The following KDM5C variants were observed in gnomAD, a reference collection of about 807,000 sequenced individuals.
KDM5C encodes the protein lysine-specific demethylase 5C.
In KDM5C, 16 loss-of-function variants were observed where a neutral mutation model predicts 110.6. That is an observed-to-expected ratio of 0.14 (90% CI 0.10 to 0.22). The LOEUF (loss-of-function observed/expected upper bound fraction) is 0.22, where lower values mean the gene tolerates loss of function less well. Ranked by LOEUF, KDM5C falls within the 10% of genes least tolerant of loss-of-function variation. KDM5C has a pLI of 1.00. For synonymous variants in KDM5C, 511 were observed against 520.4 expected, an observed-to-expected ratio of 0.98 and a Z score of 0.24; for missense variants, 681 against 1,300.9, an observed-to-expected ratio of 0.52 and a Z score of 7.33.
chrX:53,208,354 C>T (rs782237159), intron 12 of KDM5C, among the ~76,000 whole-genome samples: 42 of 104,973 alleles, frequency 4.0e-4, no homozygotes, highest in African/African-American at 1.4e-3. Flanking sequence ...TTTTAAAAAG[C>T]GGTAAGGACT....
downstream of KDM5C, chrX:53,191,299 G>T (rs1196640681): frequency 4.7e-5 from 8 of 171,125 alleles, no homozygotes; most frequent in Admixed American, 8.0e-5. Context: ...TTTGCTAAGT[G>T]AAAGAAGCTA....
chrX:53,192,858 G>GGCCCCCCCCCCCCCC lies in KDM5C; in HGVS notation c.*108_*109insGGGGGGGGGGGGGGC. ...CAGGGGTGGGCGGGTAGCAGGGATG[G>GGCCCCCCCCCCCCCC]CCACCCCCCTACCCGCCCACCCCCC... On this transcript the variant is annotated 3_prime_UTR_variant, in exon 26 of 26. Transcript: ENST00000375401. 1 of 728,430 alleles carries GGCCCCCCCCCCCCCC rather than the reference G, an allele frequency of 1.4e-6. No homozygotes were observed. Among genetic ancestry groups the GGCCCCCCCCCCCCCC allele is most frequent in the Non-Finnish European group, 1.8e-6 (1 of 548,375 alleles). 60.0% of individuals were successfully genotyped at this position (728,430 alleles called of 1,213,427 possible).
rs781920250 is a variant in KDM5C at position 53,183,869 on chromosome X, C to T, written c.4309-7247G>A. On this transcript the variant is annotated intron_variant, in intron 25 of 25. Transcript: ENST00000685641. ...ATTACAGGCATAAGCAACCGCACCC[C>T]GCTAGCTTTTTCATTTCTGCAAAAA... Among the ~76,000 whole-genome samples, 76 of 111,822 alleles carry T rather than the reference C, an allele frequency of 6.8e-4. 1 individual carries two copies. Among genetic ancestry groups the T allele is most frequent in the Middle Eastern group, 4.6e-3 (1 of 218 alleles).
chrX:53,204,238 CT>C (rs10604955), intron 12 of KDM5C, among the ~76,000 whole-genome samples: 22 of 60,772 alleles, frequency 3.6e-4, no homozygotes, highest in African/African-American at 1.3e-3. Context: ...AAAGAAAATC[CT>C]TTTTTTTTTT....
At position 53,213,718 on chromosome X, in the gene KDM5C, CTAAA is replaced by C. The variant is rs202182889; in HGVS notation, c.1122+967_1122+970del. Among the ~76,000 whole-genome samples the C allele has an allele frequency of 4.0e-3, 445 of 111,552 alleles. 1 individual carries two copies. Among genetic ancestry groups the C allele is most frequent in the African/African-American group, 0.014 (421 of 30,621 alleles). ...TCTAAATATAACAAGAGGAAAACAA[CTAAA>C]TAAATATTATACCCATGATACACCA... On this transcript the variant is annotated intron_variant, in intron 8 of 25. Coordinates refer to ENST00000375401, the MANE Select transcript of KDM5C (RefSeq NM_004187.5).
chrX:53,223,939 C>T (rs927025677), intron 1 of KDM5C, among the ~76,000 whole-genome samples: 9 of 112,284 alleles, frequency 8.0e-5, no homozygotes, highest in Admixed American at 5.6e-4. Context: ...AAGGCCTTGA[C>T]ATTGCCTTCA....
In KDM5C at chrX:53,181,696, A is replaced by G. The variant is rs1489202198; in HGVS notation, c.4309-5074T>C. ...GTCTCAAAAAAAAAAAAAAAAAAAA[A>G]AAAGAAAAAGAAAAAAAGAAACCTC... is the stretch of plus-strand genomic sequence containing the variant. On this transcript the variant is annotated intron_variant, in intron 25 of 25. Transcript: ENST00000685641. Among the ~76,000 whole-genome samples, 8 of 108,989 alleles carry G rather than the reference A, an allele frequency of 7.3e-5. No homozygotes were observed. In the South Asian group the frequency reaches 1.1e-3, roughly 15 times the overall value. The allele number at this position is 108,989 out of a possible 115,157, so 94.6% of individuals were successfully genotyped here.
intron 12 of KDM5C, among the ~76,000 whole-genome samples, chrX:53,209,744 T>C (rs2073501249): frequency 8.9e-6 from 1 of 112,057 alleles, no homozygotes; most frequent in Non-Finnish European, 1.9e-5. Flanking sequence ...ATGCTAGAAA[T>C]TCCCAGGAAT....
chrX:53,214,284 A>C (rs1388087090), intron 8 of KDM5C: 1 of 135,974 alleles, frequency 7.4e-6, no homozygotes, highest in African/African-American at 3.2e-5. Context: ...AGAAAAAAAA[A>C]AACAAAACAA....
At chrX:53,183,242 A>G (rs1934116514) in intron 25 of KDM5C, among the ~76,000 whole-genome samples, 1 of 91,904 alleles carries the variant, frequency 1.1e-5, no homozygotes, top group Non-Finnish European at 2.2e-5. Context: ...TCTGGGCAAC[A>G]GAGTGAGACC....
Position 53,192,869 on chromosome X carries a change from A to AACCCCC in KDM5C, c.*97_*98insGGGGGT. 1 of 179,865 alleles carries AACCCCC rather than the reference A, an allele frequency of 5.6e-6. No homozygotes were observed. The highest frequency in any genetic ancestry group is 8.9e-6 in the Non-Finnish European group (1 of 112,538). The allele number at this position is 179,865 out of a possible 1,213,427, so 14.8% of individuals were successfully genotyped here. A position where few individuals can be genotyped will look rare whatever the true frequency, so the allele number is the denominator to read the frequency against. ...GGGTAGCAGGGATGGCCACCCCCCT[A>AACCCCC]CCCGCCCACCCCCCAAGAAGCAGGC... On this transcript the variant is annotated 3_prime_UTR_variant, in exon 26 of 26. Transcript: ENST00000375401.
intron 25 of KDM5C, among the ~76,000 whole-genome samples, chrX:53,178,595 C>T (rs1933941779): frequency 8.9e-6 from 1 of 112,129 alleles, no homozygotes; most frequent in Non-Finnish European, 1.9e-5. Flanking sequence ...AAGAAATCTC[C>T]TTTACACCCT....
At chrX:53,220,973 G>C in intron 1 of KDM5C, 57 bp from the exon 2 acceptor site, 2 of 1,039,123 alleles carry the variant, frequency 1.9e-6, no homozygotes, top group Middle Eastern at 2.6e-4. Context: ...TGTAAGACCG[G>C]AAGTCACCAA....
intron 8 of KDM5C, among the ~76,000 whole-genome samples, chrX:53,213,654 C>G (rs1021184199): frequency 9.0e-6 from 1 of 111,527 alleles, no homozygotes; most frequent in Non-Finnish European, 1.9e-5. Context: ...CCTGAACAGC[C>G]AACCACCTCT....
intron 25 of KDM5C, 29 bp from the exon 26 acceptor site, chrX:53,193,361 G>A (rs1934566349): frequency 5.0e-6 from 6 of 1,209,488 alleles, no homozygotes; most frequent in Non-Finnish European, 6.7e-6. Flanking sequence ...AGAAAGACAG[G>A]TTGTGGGCCA....
chrX:53,203,922 A>G (rs2073233669), intron 12 of KDM5C, among the ~76,000 whole-genome samples: 2 of 110,705 alleles, frequency 1.8e-5, no homozygotes, highest in South Asian at 7.5e-4. Context: ...ACACGCCACT[A>G]TGCCGTATTT....
In KDM5C at chrX:53,214,694, T is replaced by C. The variant is rs146904668; in HGVS notation, c.1117A>G (p.Met373Val). 1 of 1,208,309 alleles carries C rather than the reference T, an allele frequency of 8.3e-7. No individual in the cohort carries two copies. The highest frequency in any genetic ancestry group is 1.1e-6 in the Non-Finnish European group (1 of 893,767). ...KGVWRCPKCV[M>V]AECKRPPEAF... ...GTGGAGTGGGGAGGCCTTACCGCCA[T>C]GACACACTTTGGGCACCGCCAGACA... is the stretch of plus-strand genomic sequence containing the variant. Residue 373 changes from methionine (M) to valine (V), a missense_variant, in exon 8 of 26, where the codon ATG becomes GTG. Around this residue, in one of 14 missense-constraint regions of KDM5C, gnomAD observed 71 missense variants for 115.0 expected, o/e 0.62. Transcript: ENST00000375401.
intron 12 of KDM5C, among the ~76,000 whole-genome samples, chrX:53,207,063 G>C (rs2073358458): frequency 9.7e-6 from 1 of 103,546 alleles, no homozygotes; most frequent in South Asian, 4.5e-4. Context: ...TGTAGTCCTA[G>C]CTACTTGGGA....
rs1486710717 is a variant in KDM5C at position 53,214,685 on chromosome X, T to C, written c.1122+4A>G. On this transcript the variant is annotated splice_donor_region_variant and intron_variant, in intron 8 of 25. Transcript: ENST00000375401. ...GAGGCAGATGTGGAGTGGGGAGGCC[T>C]TACCGCCATGACACACTTTGGGCAC... is the stretch of plus-strand genomic sequence containing the variant. 8.3e-7 allele frequency: 1 copy of C among 1,204,059 alleles called. No homozygotes were observed. The highest frequency in any genetic ancestry group is 1.1e-6 in the Non-Finnish European group (1 of 892,054).
Sources: allele counts gnomAD v4.1 joint callset (sites outside exome capture counted in the v4.1 genomes callset), GRCh38; gene constraint gnomAD v4.1.1; regional missense constraint gnomAD v4.1.1; transcripts MANE v1.5; gene names NCBI Gene and HGNC (gene_info 2026-07-23, HGNC 2026-07-21).